SUMF1: variants seen among roughly 807,000 people sequenced by gnomAD.
SUMF1 encodes the protein formylglycine-generating enzyme.
A neutral mutation model predicts 47.6 loss-of-function variants in SUMF1; 48 were observed. That is an observed-to-expected ratio of 1.01 (90% CI 0.80 to 1.28). The LOEUF (loss-of-function observed/expected upper bound fraction) is 1.28, where lower values mean the gene tolerates loss of function less well. SUMF1 is among the 50% of genes most tolerant of loss of function. SUMF1 has a pLI of 0.00. For synonymous variants in SUMF1, 230 were observed against 192.1 expected, an observed-to-expected ratio of 1.20 and a Z score of -1.63; for missense variants, 571 against 485.4, an observed-to-expected ratio of 1.18 and a Z score of -1.66.
At chr3:4,232,108 A>G (rs932117623) in intron 8 of SUMF1, among the ~76,000 whole-genome samples, 7 of 152,126 alleles carry the variant, frequency 4.6e-5, no homozygotes, top group African/African-American at 1.7e-4. Flanking sequence ...CAGACTCAGC[A>G]TATGCATCAA....
chr3:4,247,487 T>C (rs974756423), intron 8 of SUMF1, among the ~76,000 whole-genome samples: 1 of 152,214 alleles, frequency 6.6e-6, no homozygotes, highest in African/African-American at 2.4e-5. Context: ...ATTCTCTGCA[T>C]GAATCATTCA....
At position 4,463,464 on chromosome 3, in the gene SUMF1, T is replaced by C. The variant is rs146396392; in HGVS notation, c.270+3512A>G. ...GAGATTGCACCACTGCACTCCAGCC[T>C]GGGTGACAGAGCGAGACTCCGTCTC... On this transcript the variant is annotated intron_variant, in intron 1 of 8. Coordinates refer to ENST00000272902, the MANE Select transcript of SUMF1 (RefSeq NM_182760.4). Among the ~76,000 whole-genome samples the C allele has an allele frequency of 8.9e-4, 135 of 152,320 alleles. 1 individual carries two copies. In the East Asian group the frequency reaches 0.025, roughly 28 times the overall value.
intron 8 of SUMF1, among the ~76,000 whole-genome samples, chr3:4,184,938 C>A (rs539347056): frequency 4.3e-4 from 65 of 152,228 alleles, no homozygotes; most frequent in African/African-American, 1.5e-3. Context: ...GCGTGAGCCA[C>A]CGCACCTGGC....
intron 8 of SUMF1, among the ~76,000 whole-genome samples, chr3:4,228,524 G>T (rs1696224713): frequency 6.6e-6 from 1 of 152,154 alleles, no homozygotes; most frequent in African/African-American, 2.4e-5. Flanking sequence ...ACTAATAGCA[G>T]CCACATTCTC....
At chr3:4,405,746 A>G (rs1295554969) in intron 7 of SUMF1, among the ~76,000 whole-genome samples, 1 of 152,208 alleles carries the variant, frequency 6.6e-6, no homozygotes, top group African/African-American at 2.4e-5. Context: ...ACTTTCCAAA[A>G]TGTGTCTAGA....
chr3:4,408,537 T>C (rs558765101), intron 7 of SUMF1, among the ~76,000 whole-genome samples: 1 of 152,312 alleles, frequency 6.6e-6, no homozygotes, highest in Non-Finnish European at 1.5e-5. Context: ...CAAGAATTTA[T>C]ACTTAATCAG....
chr3:4,130,817 G>T (rs1314385145), intron 8 of SUMF1, among the ~76,000 whole-genome samples: 1 of 152,054 alleles, frequency 6.6e-6, no homozygotes, highest in Non-Finnish European at 1.5e-5. Context: ...TGATCCAAAG[G>T]CTACCAGTTT....
intron 6 of SUMF1, among the ~76,000 whole-genome samples, chr3:4,414,412 T>C (rs962183644): frequency 6.6e-6 from 1 of 152,144 alleles, no homozygotes; most frequent in Non-Finnish European, 1.5e-5. Context: ...CATCTCATTA[T>C]CAAAGTTAAA....
At position 4,080,060 on chromosome 3, in the gene SUMF1, C is replaced by A. The variant is rs186956858; in HGVS notation, c.1015-11315G>T. 5.9e-4 allele frequency among the ~76,000 whole-genome samples: 90 copies of A among 151,934 alleles called. 1 individual carries two copies. The highest frequency in any genetic ancestry group is 1.5e-3 in the Admixed American group (23 of 15,254). ...AATGATCTTCACAGAGTAGTCACTCCCAGAGGGTCCTGTATTTCCAGGGGG... is the reference window on the plus strand; with the variant it reads ...AATGATCTTCACAGAGTAGTCACTCACAGAGGGTCCTGTATTTCCAGGGGG... On this transcript the variant is annotated intron_variant and NMD_transcript_variant, in intron 8 of 12. Coordinates refer to the SUMF1 transcript ENST00000448413.
chr3:4,360,305 G>A (rs1699718748), downstream of SUMF1, among the ~76,000 whole-genome samples: 3 of 142,160 alleles, frequency 2.1e-5, no homozygotes, highest in Non-Finnish European at 4.5e-5. Flanking sequence ...GTGGCTAAAC[G>A]TGCCAGCTAC....
chr3:4,075,025 G>T (rs950782656), intron 8 of SUMF1, among the ~76,000 whole-genome samples: 1 of 152,036 alleles, frequency 6.6e-6, no homozygotes, highest in Admixed American at 6.6e-5. Flanking sequence ...ACCAAAGCCT[G>T]GCAGAGACAC....
At chr3:4,380,714 C>T (rs1002308510) in intron 7 of SUMF1, among the ~76,000 whole-genome samples, 4 of 152,144 alleles carry the variant, frequency 2.6e-5, no homozygotes, top group African/African-American at 9.7e-5. Flanking sequence ...CCCATAGACA[C>T]GAAAATATCA....
chr3:4,303,826 G>T, intron 8 of SUMF1: 5 of 1,362,422 alleles, frequency 3.7e-6, no homozygotes, highest in Non-Finnish European at 4.9e-6. Flanking sequence ...GAGGCATCAC[G>T]GGGGGAGTCA....
intron 8 of SUMF1, among the ~76,000 whole-genome samples, chr3:4,295,258 G>A (rs1411680443): frequency 2.0e-5 from 3 of 152,006 alleles, no homozygotes; most frequent in African/African-American, 7.3e-5. Flanking sequence ...ATTATAAGAA[G>A]CAGAAAATTA....
chr3:4,422,514 T>A (rs1419127309), intron 3 of SUMF1, among the ~76,000 whole-genome samples: 2 of 152,160 alleles, frequency 1.3e-5, no homozygotes, highest in Non-Finnish European at 2.9e-5. Context: ...AAAACATGAT[T>A]TGTTTGTCCA....
At chr3:4,331,545 A>G (rs990243689) in intron 8 of SUMF1, among the ~76,000 whole-genome samples, 2 of 152,224 alleles carry the variant, frequency 1.3e-5, no homozygotes, top group East Asian at 3.8e-4. Flanking sequence ...TAAAGATAAA[A>G]GGCTGGGCAC....
chr3:4,094,932 A>G (rs138938717), intron 8 of SUMF1, among the ~76,000 whole-genome samples: 30 of 152,270 alleles, frequency 2.0e-4, no homozygotes, highest in African/African-American at 6.3e-4. Context: ...TTGAGGAGGC[A>G]TCTCATGGAA....
intron 8 of SUMF1, among the ~76,000 whole-genome samples, chr3:4,309,522 G>GCTTTCC (rs1423034753): frequency 6.6e-6 from 1 of 152,152 alleles, no homozygotes; most frequent in Non-Finnish European, 1.5e-5. Context: ...CAACAAAAAA[G>GCTTTCC]GGAAGGAATT....
At chr3:4,071,631 G>A (rs1357829441) in intron 8 of SUMF1, among the ~76,000 whole-genome samples, 2 of 152,180 alleles carry the variant, frequency 1.3e-5, no homozygotes, top group African/African-American at 2.4e-5. Context: ...AGGGGCATCC[G>A]CCATTGCTGA....
Sources: gnomAD v4.1 joint callset for allele counts (sites outside exome capture counted in the v4.1 genomes callset) on GRCh38, gnomAD v4.1.1 for gene constraint, MANE v1.5 for transcripts, NCBI Gene and HGNC (gene_info 2026-07-23, HGNC 2026-07-21) for gene names.